Variants in PLAGL2 observed in about 807,000 individuals in gnomAD.
The protein encoded by PLAGL2 is zinc finger protein PLAGL2.
PLAGL2 carries 7 observed loss-of-function variants against 29.0 expected under a neutral mutation model. That is an observed-to-expected ratio of 0.24 (90% CI 0.14 to 0.45). The LOEUF (loss-of-function observed/expected upper bound fraction) is 0.45. Among genes scored for constraint, PLAGL2 ranks in the 20% least tolerant of loss-of-function variants. The pLI is 0.99. For synonymous variants in PLAGL2, 234 were observed against 266.0 expected, an observed-to-expected ratio of 0.88 and a Z score of 1.17; for missense variants, 454 against 648.2, an observed-to-expected ratio of 0.70 and a Z score of 3.25.
chr20:32,196,391 C>CG lies in PLAGL2; in HGVS notation c.*60dup, dbSNP rs1437747769. On this transcript the variant is annotated 3_prime_UTR_variant, in exon 3 of 3. Coordinates refer to ENST00000246229, the MANE Select transcript of PLAGL2 (RefSeq NM_002657.3). ...CAGCTGCCTTCATGGGGGACACAGA[C>CG]GGGGTGGGTACTAAGGCTCCATAAC... The CG allele has an allele frequency of 2.3e-5, 28 of 1,237,088 alleles. No individual in the cohort carries two copies. Among genetic ancestry groups the CG allele is most frequent in the Non-Finnish European group, 2.9e-5 (27 of 939,368 alleles). 76.6% of individuals were successfully genotyped at this position (1,237,088 alleles called of 1,614,324 possible). A position where few individuals can be genotyped will look rare whatever the true frequency, so the allele number is the denominator to read the frequency against.
At chr20:32,204,037 G>C (rs3787372) in intron 1 of PLAGL2, among the ~76,000 whole-genome samples, 33,174 of 152,000 alleles carry the variant, frequency 0.22, 4,331 homozygotes, top group African/African-American at 0.35. Context: ...CATTGTTTAA[G>C]TCCCCTCCTC....
rs762751419 is a variant in PLAGL2, at chr20:32,202,107, T to C, written c.72A>G (p.Lys24=). 2 of 1,614,170 alleles carry C rather than the reference T, an allele frequency of 1.2e-6. No individual in the cohort carries two copies. The highest frequency in any genetic ancestry group is 2.2e-5 in the East Asian group (1 of 44,882). The stretch of plus-strand genomic sequence containing the variant: ...CCCGGCCCCGAGGCCTGGGAACTAG[T>C]TTCCAGCCCACTTCCTCCTCCTGCT... The part of the protein sequence containing the change: ...DAKQEEEVGW[K]LVPRPRGREA... Residue 24 remains lysine, a synonymous_variant, in exon 2 of 3, where the codon AAA becomes AAG. Transcript: ENST00000246229.
In PLAGL2 at chr20:32,197,043, G is replaced by A. The variant is rs1370355436; in HGVS notation, c.900C>T (p.Ala300=). 1.5e-5 allele frequency: 24 copies of A among 1,614,054 alleles called. No individual in the cohort carries two copies. The highest frequency in any genetic ancestry group is 2.0e-5 in the Non-Finnish European group (24 of 1,180,006). The change falls in exon 3 of 3, where the codon GCC becomes GCT. Residue 300 remains alanine (A), a synonymous_variant. Transcript: ENST00000246229. This position sits in a 1 kb window ranked among gnomAD's most constrained non-coding sequence, Gnocchi z 6.6. ...CCGTGCTGGGCATGGTAGGGATGTG[G>A]GCACCATACATGCCCATGGGCAACA... The part of the protein sequence containing the change: ...PGMLPMGMYG[A]HIPTMPSTGV...
intron 1 of PLAGL2, among the ~76,000 whole-genome samples, chr20:32,207,148 G>A (rs1025366980): frequency 2.0e-5 from 3 of 152,166 alleles, no homozygotes; most frequent in South Asian, 2.1e-4. Context: ...GATATTTGAG[G>A]GAAGCCTCAA....
chr20:32,199,512 C>T (rs529050957), intron 2 of PLAGL2, among the ~76,000 whole-genome samples: 53 of 152,250 alleles, frequency 3.5e-4, no homozygotes, highest in South Asian at 1.2e-3. Flanking sequence ...TTCCTGCAGC[C>T]GCCCACTGGC....
rs2047222243 is a variant in PLAGL2, at chr20:32,195,380, T to C, written c.*1072A>G. On this transcript the variant is annotated 3_prime_UTR_variant, in exon 3 of 3. Transcript: ENST00000246229. ...ACCCAGACTCTGCTTCCAAGACTAATAACAACAGCTCATGATGTTCAAGGT... is the reference window on the plus strand; with the variant it reads ...ACCCAGACTCTGCTTCCAAGACTAACAACAACAGCTCATGATGTTCAAGGT... The C allele has an allele frequency of 6.6e-6, 1 of 152,604 alleles. No homozygotes were observed. The highest frequency in any genetic ancestry group is 1.5e-5 in the Non-Finnish European group (1 of 68,056). 9.5% of individuals were successfully genotyped at this position (152,604 alleles called of 1,614,324 possible).
In PLAGL2 at chr20:32,193,090, C is replaced by T. The variant is rs1212143828; in HGVS notation, c.*3362G>A. 6.6e-6 allele frequency: 1 copy of T among 152,592 alleles called. No homozygotes were observed. Among genetic ancestry groups the T allele is most frequent in the Non-Finnish European group, 1.5e-5 (1 of 68,040 alleles). 9.5% of individuals were successfully genotyped at this position (152,592 alleles called of 1,614,324 possible). On this transcript the variant is annotated 3_prime_UTR_variant, in exon 3 of 3. Transcript: ENST00000246229. ...CTGGACTTTTCTGGCCAACACCTGC[C>T]TAAGGCAAAGTTTCTTATTACATAA...
rs1330448046 is a variant in PLAGL2 at position 32,197,399 on chromosome 20, C to T, written c.544G>A (p.Val182Ile). ...LEHLKAHSRRVAGGAKEKKHP... is the reference protein window; with the variant it reads ...LEHLKAHSRRIAGGAKEKKHP... ...TTCTTCTCCTTGGCACCGCCTGCTA[C>T]CCGGCGTGAGTGGGCCTTCAGGTGC... Residue 182 changes from valine to isoleucine, a missense_variant, in exon 3 of 3, where the codon GTA becomes ATA. Transcript: ENST00000246229. This position sits in a 1 kb window ranked among gnomAD's most constrained non-coding sequence, Gnocchi z 6.6. The T allele has an allele frequency of 2.5e-6, 4 of 1,611,682 alleles. No individual in the cohort carries two copies. Among genetic ancestry groups the T allele is most frequent in the Admixed American group, 3.3e-5 (2 of 59,844 alleles).
At position 32,201,951 on chromosome 20, in the gene PLAGL2, G is replaced by T; in HGVS notation, c.228C>A (p.Gly76=). The part of the protein sequence containing the change: ...RPYSCPQLHC[G]KAFASKYKLY... ...GCTTGTATTTGGAAGCAAAAGCCTTGCCACAGTGCAGCTGAGGGCAGCTAT... is the reference window on the plus strand; with the variant it reads ...GCTTGTATTTGGAAGCAAAAGCCTTTCCACAGTGCAGCTGAGGGCAGCTAT... Residue 76 remains glycine, a synonymous_variant, in exon 2 of 3, where the codon GGC becomes GGA. Transcript: ENST00000246229. The T allele has an allele frequency of 6.2e-7, 1 of 1,614,090 alleles. No homozygotes were observed. Among genetic ancestry groups the T allele is most frequent in the Non-Finnish European group, 8.5e-7 (1 of 1,179,938 alleles).
chr20:32,205,184 C>A (rs769133817), intron 1 of PLAGL2, among the ~76,000 whole-genome samples: 2 of 152,198 alleles, frequency 1.3e-5, no homozygotes, highest in Non-Finnish European at 2.9e-5. Flanking sequence ...AGTGCCTTCT[C>A]TGAGGTCTCG....
chr20:32,206,902 C>G (rs1319051006), intron 1 of PLAGL2, among the ~76,000 whole-genome samples: 1 of 151,918 alleles, frequency 6.6e-6, no homozygotes, highest in Non-Finnish European at 1.5e-5. Context: ...GAAGGAAGAG[C>G]GAGGATGGGA....
Position 32,199,291 on chromosome 20 carries a change from A to C in PLAGL2, c.261-1609T>G, listed in dbSNP as rs575201972. Among the ~76,000 whole-genome samples the C allele has an allele frequency of 2.0e-5, 3 of 152,308 alleles. No individual in the cohort carries two copies. The East Asian group carries it at 5.8e-4, about 29-fold the overall frequency. ...CCCACATCCCACATATGCATGCTCA[A>C]GAGTGCTCGTGCCTATGTGGGTTAC... is the stretch of plus-strand genomic sequence containing the variant. On this transcript the variant is annotated intron_variant, in intron 2 of 2. Transcript: ENST00000246229.
At chr20:32,200,196 A>G (rs1049732794) in intron 2 of PLAGL2, among the ~76,000 whole-genome samples, 1 of 152,364 alleles carries the variant, frequency 6.6e-6, no homozygotes, top group Non-Finnish European at 1.5e-5. Context: ...AATGTTGGAT[A>G]GATGAATGGA....
chr20:32,200,548 C>T (rs2047253879), intron 2 of PLAGL2, among the ~76,000 whole-genome samples: 1 of 151,550 alleles, frequency 6.6e-6, no homozygotes, highest in African/African-American at 2.4e-5. Context: ...TTCTAAAGGG[C>T]AAGTTCATGG....
At chr20:32,200,192 G>A (rs867804494) in intron 2 of PLAGL2, among the ~76,000 whole-genome samples, 1 of 152,218 alleles carries the variant, frequency 6.6e-6, no homozygotes, top group African/African-American at 2.4e-5. Context: ...CAATAATGTT[G>A]GATAGATGAA....
intron 1 of PLAGL2, among the ~76,000 whole-genome samples, chr20:32,203,099 G>A (rs764999059): frequency 1.3e-5 from 2 of 152,150 alleles, no homozygotes; most frequent in Admixed American, 6.5e-5. Flanking sequence ...AGACGGTAGC[G>A]AGCTCGCATT....
At chr20:32,206,802 A>G (rs1407014) in intron 1 of PLAGL2, among the ~76,000 whole-genome samples, 10,115 of 152,208 alleles carry the variant, frequency 0.066, 1,181 homozygotes, top group African/African-American at 0.23. Context: ...GAAAGGTTCA[A>G]TTCCCCGAGC....
intron 2 of PLAGL2, among the ~76,000 whole-genome samples, chr20:32,199,358 G>A (rs1282416660): frequency 3.3e-5 from 5 of 152,206 alleles, no homozygotes; most frequent in Non-Finnish European, 5.9e-5. Flanking sequence ...AATGTAGAGA[G>A]GGAGGTGCTG....
Position 32,196,251 on chromosome 20 carries a change from C to T in PLAGL2, c.*201G>A, listed in dbSNP as rs537203540. On this transcript the variant is annotated 3_prime_UTR_variant, in exon 3 of 3. Transcript: ENST00000246229. ...AGTCCTACGGTATGAGATCTTTTCA[C>T]GGGGTTGGGGCTCAAGGCTCCTTCT... The T allele has an allele frequency of 3.2e-5, 13 of 400,262 alleles. No individual in the cohort carries two copies. Among genetic ancestry groups the T allele is most frequent in the Middle Eastern group, 6.4e-4 (1 of 1,570 alleles). The allele number at this position is 400,262 out of a possible 1,614,324, so 24.8% of individuals were successfully genotyped here.
Sources: gnomAD v4.1 joint callset for allele counts (sites outside exome capture counted in the v4.1 genomes callset) on GRCh38, gnomAD v4.1.1 for gene constraint, Gnocchi (gnomAD v3.1) non-coding constraint, MANE v1.5 for transcripts, NCBI Gene and HGNC (gene_info 2026-07-23, HGNC 2026-07-21) for gene names.